KCNQ1: variants seen among roughly 807,000 people sequenced by gnomAD.
KCNQ1 encodes potassium voltage-gated channel subfamily Q member 1.
KCNQ1 carries 49 observed loss-of-function variants against 72.4 expected under a neutral mutation model. That is an observed-to-expected ratio of 0.68 (90% confidence interval 0.54 to 0.86). KCNQ1 has a LOEUF of 0.86. Ranked by LOEUF, KCNQ1 falls within the 40% of genes least tolerant of loss-of-function variation. KCNQ1 has a pLI of 0.00. For synonymous variants in KCNQ1, 450 were observed against 412.6 expected (o/e 1.09, Z -1.10); for missense variants, 790 against 945.1 (o/e 0.84, Z 2.15).
chr11:2,463,082 G>A lies in KCNQ1; in HGVS notation c.386+17598G>A, dbSNP rs1846302382. Among the ~76,000 whole-genome samples, 1 of 152,074 alleles carries A rather than the reference G, an allele frequency of 6.6e-6. No individual in the cohort carries two copies. Among genetic ancestry groups the A allele is most frequent in the East Asian group, 1.9e-4 (1 of 5,172 alleles). On this transcript the variant is annotated intron_variant, in intron 1 of 15. Coordinates refer to ENST00000155840, the MANE Select transcript of KCNQ1 (RefSeq NM_000218.3). The surrounding 1 kb of genome is among the most constrained non-coding windows in gnomAD (Gnocchi z 7.0). The stretch of plus-strand genomic sequence containing the variant: ...GGGGTCCTTCAGGGATATACCTGCT[G>A]TCAGGGTGTGGGGAGTGGGAAGTGG...
intron 2 of KCNQ1, among the ~76,000 whole-genome samples, chr11:2,568,655 C>T (rs1848281800): frequency 1.3e-5 from 2 of 152,230 alleles, no homozygotes; most frequent in African/African-American, 4.8e-5. Flanking sequence ...TTCATTCGTT[C>T]ATTCAGCATG....
Position 2,671,919 on chromosome 11 carries a change from T to C in KCNQ1, c.1514+9838T>C, listed in dbSNP as rs1850190214. The C allele has an allele frequency of 5.0e-6, 2 of 398,704 alleles. No homozygotes were observed. Among genetic ancestry groups the C allele is most frequent in the South Asian group, 1.3e-4 (1 of 7,864 alleles). The allele number at this position is 398,704 out of a possible 1,614,324, so 24.7% of individuals were successfully genotyped here. ...AGCCAGCCTGTGGGCCCCGCTATGC[T>C]TCCTCAGGCAGCTAGTCTCTGTATC... is the stretch of plus-strand genomic sequence containing the variant. On this transcript the variant is annotated intron_variant, in intron 11 of 15. Transcript: ENST00000155840. This position sits in a 1 kb window ranked among gnomAD's most constrained non-coding sequence, Gnocchi z 4.7.
At chr11:2,459,587 A>C (rs1226106310) in intron 1 of KCNQ1, among the ~76,000 whole-genome samples, 7 of 152,092 alleles carry the variant, frequency 4.6e-5, no homozygotes, top group African/African-American at 1.7e-4. Context: ...GACTTCCTCT[A>C]AGCCAACCGG....
chr11:2,828,346 G>A lies in KCNQ1; in HGVS notation c.1795-19421G>A, dbSNP rs1174296737. 6.6e-6 allele frequency among the ~76,000 whole-genome samples: 1 copy of A among 152,204 alleles called. No individual in the cohort carries two copies. Among genetic ancestry groups the A allele is most frequent in the Non-Finnish European group, 1.5e-5 (1 of 68,040 alleles). ...AACACATGTCTATTTCAGCTTCTTT[G>A]AATCCCACTAAGGTGACAGTAAAGG... On this transcript the variant is annotated intron_variant, in intron 15 of 15. Transcript: ENST00000155840. This position sits in a 1 kb window ranked among gnomAD's most constrained non-coding sequence, Gnocchi z 5.3.
At chr11:2,594,804 A>G (rs956343335) in intron 10 of KCNQ1, among the ~76,000 whole-genome samples, 2 of 152,188 alleles carry the variant, frequency 1.3e-5, no homozygotes, top group African/African-American at 4.8e-5. Context: ...GGTCATTTGA[A>G]CATGCATATT....
chr11:2,669,733 G>A lies in KCNQ1; in HGVS notation c.1514+7652G>A. On this transcript the variant is annotated intron_variant, in intron 11 of 15. Transcript: ENST00000155840. The surrounding 1 kb of genome is among the most constrained non-coding windows in gnomAD (Gnocchi z 5.6). ...ACATACCTGACTCGGGGAAATGCCT[G>A]AAAATATTAGCCAGCATAGAATGTC... is the stretch of plus-strand genomic sequence containing the variant. The A allele has an allele frequency of 7.5e-6, 3 of 398,684 alleles. No homozygotes were observed. Among genetic ancestry groups the A allele is most frequent in the Non-Finnish European group, 8.8e-6 (2 of 226,088 alleles). 24.7% of individuals were successfully genotyped at this position (398,684 alleles called of 1,614,324 possible). A position where few individuals can be genotyped will look rare whatever the true frequency, so the allele number is the denominator to read the frequency against.
At chr11:2,532,632 A>AG (rs1034220667) in intron 2 of KCNQ1, among the ~76,000 whole-genome samples, 1 of 151,648 alleles carries the variant, frequency 6.6e-6, no homozygotes, top group Non-Finnish European at 1.5e-5. Flanking sequence ...TGCTTGGAGG[A>AG]GGGGGCGCTC....
At chr11:2,692,476 G>GGTA in intron 11 of KCNQ1, 1 of 398,710 alleles carries the variant, frequency 2.5e-6, no homozygotes, top group Non-Finnish European at 4.4e-6. Flanking sequence ...CTGCCTTTCT[G>GGTA]GTAGTTCAGA....
At chr11:2,749,641 CAAAAAA>C (rs35701102) in intron 11 of KCNQ1, among the ~76,000 whole-genome samples, 6,184 of 87,074 alleles carry the variant, frequency 0.071, 480 homozygotes, top group African/African-American at 0.21. Context: ...ACTAAAAATA[CAAAAAA>C]AAAAAAAAAA....
intron 11 of KCNQ1, chr11:2,699,715 G>A (rs1361028798): frequency 7.0e-5 from 23 of 330,630 alleles, no homozygotes; most frequent in African/African-American, 1.2e-4. Context: ...ACGGCGCCGA[G>A]GAGTCCCCGG....
chr11:2,771,982 G>A (rs1846608383), intron 12 of KCNQ1, among the ~76,000 whole-genome samples: 1 of 152,202 alleles, frequency 6.6e-6, no homozygotes, highest in African/African-American at 2.4e-5. Flanking sequence ...CCCTGGCCCT[G>A]GGAGCCTTGC....
Position 2,657,865 on chromosome 11 carries a change from G to C in KCNQ1, c.1394-4096G>C. 1 of 398,618 alleles carries C rather than the reference G, an allele frequency of 2.5e-6. No homozygotes were observed. Among genetic ancestry groups the C allele is most frequent in the East Asian group, 3.6e-5 (1 of 28,082 alleles). The allele number at this position is 398,618 out of a possible 1,614,324, so 24.7% of individuals were successfully genotyped here. ...GGACTAGACCAGGGTTATAGGTTTA[G>C]GGGAAGGAGGCCAGTGAGGTGAGAT... On this transcript the variant is annotated intron_variant, in intron 10 of 15. Transcript: ENST00000155840. This position sits in a 1 kb window ranked among gnomAD's most constrained non-coding sequence, Gnocchi z 4.8.
At chr11:2,591,586 G>C (rs1340635049) in intron 10 of KCNQ1, among the ~76,000 whole-genome samples, 1 of 152,266 alleles carries the variant, frequency 6.6e-6, no homozygotes, top group African/African-American at 2.4e-5. Context: ...TGGGGACCCA[G>C]CCTGTGTGCG....
chr11:2,643,375 C>T (rs1463537438), intron 10 of KCNQ1: 1 of 398,132 alleles, frequency 2.5e-6, no homozygotes, highest in Non-Finnish European at 4.4e-6. Context: ...TTGTTATATC[C>T]TCTTGGTCAA....
chr11:2,657,514 C>T lies in KCNQ1; in HGVS notation c.1394-4447C>T, dbSNP rs1288114551. On this transcript the variant is annotated intron_variant, in intron 10 of 15. Coordinates refer to ENST00000155840, the MANE Select transcript of KCNQ1 (RefSeq NM_000218.3). The surrounding 1 kb of genome is among the most constrained non-coding windows in gnomAD (Gnocchi z 4.8). ...ACATTTTTTATTTACAGAAGAGAAACAAAAATAGTACCGAGTACCCACATC... is the reference window on the plus strand; with the variant it reads ...ACATTTTTTATTTACAGAAGAGAAATAAAAATAGTACCGAGTACCCACATC... 1 of 398,360 alleles carries T rather than the reference C, an allele frequency of 2.5e-6. No individual in the cohort carries two copies. Among genetic ancestry groups the T allele is most frequent in the East Asian group, 3.6e-5 (1 of 28,058 alleles). 24.7% of individuals were successfully genotyped at this position (398,360 alleles called of 1,614,324 possible). A position where few individuals can be genotyped will look rare whatever the true frequency, so the allele number is the denominator to read the frequency against.
rs915675376 is a variant in KCNQ1, at chr11:2,626,902, C to G, written c.1394-35059C>G. On this transcript the variant is annotated intron_variant, in intron 10 of 15. Coordinates refer to ENST00000155840, the MANE Select transcript of KCNQ1 (RefSeq NM_000218.3). This position sits in a 1 kb window ranked among gnomAD's most constrained non-coding sequence, Gnocchi z 4.0. Reference sequence around the variant, plus strand: ...CATTTTCAAGAATGTTTTAGCTATTCAAGGTCCCTTGAGATTCCATGTGAA... The same window carrying G: ...CATTTTCAAGAATGTTTTAGCTATTGAAGGTCCCTTGAGATTCCATGTGAA... The G allele has an allele frequency of 5.0e-6, 2 of 398,556 alleles. No homozygotes were observed. The highest frequency in any genetic ancestry group is 6.3e-4 in the Middle Eastern group (1 of 1,588). 24.7% of individuals were successfully genotyped at this position (398,556 alleles called of 1,614,324 possible).
Position 2,652,208 on chromosome 11 carries a change from T to A in KCNQ1, c.1394-9753T>A. 1 of 398,650 alleles carries A rather than the reference T, an allele frequency of 2.5e-6. No individual in the cohort carries two copies. The highest frequency in any genetic ancestry group is 4.4e-6 in the Non-Finnish European group (1 of 226,096). The allele number at this position is 398,650 out of a possible 1,614,324, so 24.7% of individuals were successfully genotyped here. On this transcript the variant is annotated intron_variant, in intron 10 of 15. Coordinates refer to ENST00000155840, the MANE Select transcript of KCNQ1 (RefSeq NM_000218.3). The surrounding 1 kb of genome is among the most constrained non-coding windows in gnomAD (Gnocchi z 5.9). ...ATGTCTGGATTTGGTAGCCAGGGCC[T>A]GGAGCCGGATGCTGAGAATGAGGCC...
At chr11:2,838,665 G>A (rs1039538890) in intron 15 of KCNQ1, among the ~76,000 whole-genome samples, 4 of 152,174 alleles carry the variant, frequency 2.6e-5, no homozygotes, top group African/African-American at 9.7e-5. Flanking sequence ...GGGGGCAGCA[G>A]GGCCGATGTG....
Position 2,623,390 on chromosome 11 carries a change from A to G in KCNQ1, c.1393+34536A>G, listed in dbSNP as rs2133807003. On this transcript the variant is annotated intron_variant, in intron 10 of 15. Coordinates refer to ENST00000155840, the MANE Select transcript of KCNQ1 (RefSeq NM_000218.3). This position sits in a 1 kb window ranked among gnomAD's most constrained non-coding sequence, Gnocchi z 5.2. Reference sequence around the variant, plus strand: ...TATTTACATATATTTGTACATTTTCACTGCCCTAAAAGTACTCTGTGCACT... The same window carrying G: ...TATTTACATATATTTGTACATTTTCGCTGCCCTAAAAGTACTCTGTGCACT... 1 of 398,546 alleles carries G rather than the reference A, an allele frequency of 2.5e-6. No individual in the cohort carries two copies. The highest frequency in any genetic ancestry group is 3.6e-5 in the East Asian group (1 of 28,078). The allele number at this position is 398,546 out of a possible 1,614,324, so 24.7% of individuals were successfully genotyped here. A position where few individuals can be genotyped will look rare whatever the true frequency, so the allele number is the denominator to read the frequency against.
Sources: gnomAD v4.1 joint callset for allele counts (sites outside exome capture counted in the v4.1 genomes callset) on GRCh38, gnomAD v4.1.1 for gene constraint, Gnocchi (gnomAD v3.1) non-coding constraint, MANE v1.5 for transcripts, NCBI Gene and HGNC (gene_info 2026-07-23, HGNC 2026-07-21) for gene names.